Variants in LYPD8 observed in about 807,000 individuals in gnomAD.
The protein encoded by LYPD8 is ly6/PLAUR domain-containing protein 8.
Under a neutral mutation model 1.7 loss-of-function variants are expected in LYPD8, and 8 were observed. The observed-to-expected ratio is 4.58, with a 90% CI of 2.69 to 8.27. LYPD8 has a LOEUF of 8.27. Among genes scored for constraint, LYPD8 ranks in the 30% most tolerant of loss-of-function variants. The pLI, the probability that LYPD8 is intolerant of heterozygous loss-of-function variation, is 0.00. For synonymous variants in LYPD8, 50 were observed against 43.6 expected, an observed-to-expected ratio of 1.15 and a Z score of -0.58; for missense variants, 112 against 102.3, an observed-to-expected ratio of 1.09 and a Z score of -0.41.
chr1:248,752,302 T>A (rs1572156067), intron 2 of LYPD8, among the ~76,000 whole-genome samples: 1 of 151,900 alleles, frequency 6.6e-6, no homozygotes, highest in Admixed American at 6.6e-5. Flanking sequence ...ACTCTACAGG[T>A]GAGAAACCTG....
chr1:248,739,630 A>G lies in LYPD8; in HGVS notation c.695T>C (p.Leu232Pro), dbSNP rs1336222423. ...AGGACCTCAGGGCAGCAGTCCCCGA[A>G]GAAGGAGGCTGGCAAGGGCCAAGAG... is the stretch of plus-strand genomic sequence containing the variant. ...LYLLALASLL[L>P]RGLLP Residue 232 changes from leucine (L) to proline (P), a missense_variant, in exon 7 of 7, where the codon CTT becomes CCT. Physicochemically the swap from Leu to Pro is moderately conservative, Grantham distance 98. Transcript: ENST00000590317. This position sits in a 1 kb window ranked among gnomAD's most constrained non-coding sequence, Gnocchi z 4.3. 17 of 1,551,506 alleles carry G rather than the reference A, an allele frequency of 1.1e-5. No individual in the cohort carries two copies. In the African/African-American group the frequency reaches 2.3e-4, roughly 21 times the overall value.
intron 5 of LYPD8, among the ~76,000 whole-genome samples, chr1:248,746,415 A>C (rs1662726735): frequency 6.6e-6 from 1 of 152,206 alleles, no homozygotes; most frequent in African/African-American, 2.4e-5. Context: ...TTCCTGTGTA[A>C]TTGCTGTAAG....
In LYPD8 at chr1:248,739,963, TGTG is replaced by T; in HGVS notation, c.476-117_476-115del. 2 of 1,395,182 alleles carry T rather than the reference TGTG, an allele frequency of 1.4e-6. No individual in the cohort carries two copies. Among genetic ancestry groups the T allele is most frequent in the Non-Finnish European group, 1.9e-6 (2 of 1,033,560 alleles). 86.4% of individuals were successfully genotyped at this position (1,395,182 alleles called of 1,614,324 possible). A position where few individuals can be genotyped will look rare whatever the true frequency, so the allele number is the denominator to read the frequency against. On this transcript the variant is annotated intron_variant, in intron 6 of 6. Coordinates refer to ENST00000590317, the MANE Select transcript of LYPD8 (RefSeq NM_001085474.2). This position sits in a 1 kb window ranked among gnomAD's most constrained non-coding sequence, Gnocchi z 4.3. Reference sequence around the variant, plus strand: ...TGGCCCGGTGACCAGCAAGAGCTGGTGTGCTCCTGAAGCCCAGGCAGGAAGAAG... The same window carrying T: ...TGGCCCGGTGACCAGCAAGAGCTGGTCTCCTGAAGCCCAGGCAGGAAGAAG...
chr1:248,740,778 C>A (rs1357338658), intron 6 of LYPD8, among the ~76,000 whole-genome samples: 1 of 151,758 alleles, frequency 6.6e-6, no homozygotes, highest in Non-Finnish European at 1.5e-5. Flanking sequence ...AGCAGGGCTG[C>A]AATTTGAGTT....
chr1:248,740,447 A>C (rs1662570529), intron 6 of LYPD8, among the ~76,000 whole-genome samples: 1 of 152,228 alleles, frequency 6.6e-6, no homozygotes, highest in Non-Finnish European at 1.5e-5. Flanking sequence ...GTACTAGAAA[A>C]AGGCCTGGGG....
In LYPD8 at chr1:248,745,234, C is replaced by T. The variant is rs910074910; in HGVS notation, c.383G>A (p.Cys128Tyr). Residue 128 changes from cysteine (C) to tyrosine (Y), a missense_variant, in exon 6 of 7, where the codon TGT becomes TAT. Cys to Tyr is a radical substitution (Grantham distance 194). Transcript: ENST00000590317. ...ACAGGAAGTTCCATTAGATTCATAACAAGCAGGGCACTCTGCGTTGCTGGA... is the reference window on the plus strand; with the variant it reads ...ACAGGAAGTTCCATTAGATTCATAATAAGCAGGGCACTCTGCGTTGCTGGA... ...NVSSNAECPA[C>Y]YESNGTSCHG... 3 of 398,506 alleles carry T rather than the reference C, an allele frequency of 7.5e-6. No homozygotes were observed. The Admixed American group carries it at 1.3e-4, about 18-fold the overall frequency. 24.7% of individuals were successfully genotyped at this position (398,506 alleles called of 1,614,324 possible). A position where few individuals can be genotyped will look rare whatever the true frequency, so the allele number is the denominator to read the frequency against.
At chr1:248,753,269 ACACAC>A (rs1662857721) in intron 2 of LYPD8, among the ~76,000 whole-genome samples, 6 of 112,220 alleles carry the variant, frequency 5.3e-5, no homozygotes, top group African/African-American at 2.4e-4. Context: ...CGCATCACAC[ACACAC>A]CACACAACAC....
chr1:248,745,308 C>G (rs939326392), intron 5 of LYPD8, 29 bp from the exon 6 acceptor site: 29 of 398,262 alleles, frequency 7.3e-5, no homozygotes, highest in Admixed American at 8.8e-5. Flanking sequence ...TTACTCAGGA[C>G]AGTGTTATCA....
chr1:248,752,895 CAT>C (rs1311184294), intron 2 of LYPD8, among the ~76,000 whole-genome samples: 3 of 106,368 alleles, frequency 2.8e-5, no homozygotes, highest in East Asian at 4.6e-4. Flanking sequence ...CACATACACA[CAT>C]CACACACACC....
chr1:248,746,561 C>T (rs1662729086), intron 5 of LYPD8, among the ~76,000 whole-genome samples: 2 of 150,906 alleles, frequency 1.3e-5, no homozygotes, highest in African/African-American at 2.4e-5. Context: ...GTCCACATGG[C>T]CAGCAGCACC....
chr1:248,751,007 A>G (rs1662792605), intron 3 of LYPD8, 23 bp downstream of exon 3: 1 of 398,630 alleles, frequency 2.5e-6, no homozygotes, highest in Non-Finnish European at 4.4e-6. Flanking sequence ...CATTCTAAAA[A>G]GGGGCCACGT....
intron 6 of LYPD8, among the ~76,000 whole-genome samples, chr1:248,741,478 A>G (rs1201973117): frequency 6.6e-6 from 1 of 152,210 alleles, no homozygotes; most frequent in South Asian, 2.1e-4. Flanking sequence ...AAGAGCTGGG[A>G]TTACAGGCGT....
At chr1:248,752,822 A>ACAACACACCACACC (rs1558208709) in intron 2 of LYPD8, among the ~76,000 whole-genome samples, 2 of 73,634 alleles carry the variant, frequency 2.7e-5, no homozygotes, top group African/African-American at 7.8e-5. Context: ...CACACATCAC[A>ACAACACACCACACC]TCACACACAC....
At chr1:248,754,147 A>G (rs1662887481) in intron 2 of LYPD8, among the ~76,000 whole-genome samples, 1 of 148,182 alleles carries the variant, frequency 6.7e-6, no homozygotes, top group Admixed American at 6.7e-5. Flanking sequence ...CACTTCACAC[A>G]CACCACACAT....
At chr1:248,753,262 ATCACACACACACC>A (rs1662857328) in intron 2 of LYPD8, among the ~76,000 whole-genome samples, 3 of 89,274 alleles carry the variant, frequency 3.4e-5, no homozygotes, top group African/African-American at 5.8e-5. Flanking sequence ...CACACACCGC[ATCACACACACACC>A]ACACAACACA....
intron 2 of LYPD8, among the ~76,000 whole-genome samples, chr1:248,753,711 C>A (rs1198757737): frequency 7.0e-6 from 1 of 143,464 alleles, no homozygotes; most frequent in Non-Finnish European, 1.5e-5. Flanking sequence ...ACACCCCACA[C>A]ACACACGCAT....
intron 2 of LYPD8, among the ~76,000 whole-genome samples, chr1:248,753,417 CA>C (rs1662864568): frequency 7.6e-6 from 1 of 132,424 alleles, no homozygotes; most frequent in Non-Finnish European, 1.6e-5. Flanking sequence ...ACACACCACA[CA>C]CCACACACAA....
intron 2 of LYPD8, 132 bp downstream of exon 2, chr1:248,755,107 G>A (rs1662900865): frequency 1.3e-5 from 2 of 152,650 alleles, no homozygotes; most frequent in African/African-American, 4.8e-5. Flanking sequence ...AGAGAGGTCA[G>A]GACTTGACCC....
chr1:248,751,814 G>T (rs1166623973), intron 2 of LYPD8, among the ~76,000 whole-genome samples: 1 of 152,198 alleles, frequency 6.6e-6, no homozygotes, highest in East Asian at 1.9e-4. Context: ...ACAGTCCTCA[G>T]CCTGGACACA....
Sources: gnomAD v4.1 joint callset for allele counts (sites outside exome capture counted in the v4.1 genomes callset) on GRCh38, gnomAD v4.1.1 for gene constraint, Gnocchi (gnomAD v3.1) non-coding constraint, MANE v1.5 for transcripts, NCBI Gene and HGNC (gene_info 2026-07-23, HGNC 2026-07-21) for gene names.